Variants in TIAM1 observed in about 807,000 individuals in gnomAD.
TIAM1 encodes the protein rho guanine nucleotide exchange factor TIAM1.
TIAM1 carries 65 observed loss-of-function variants against 163.5 expected under a neutral mutation model. The observed-to-expected ratio is 0.40, with a 90% confidence interval of 0.33 to 0.49. The LOEUF (loss-of-function observed/expected upper bound fraction) is 0.49. TIAM1 is among the 20% of genes least tolerant of loss of function. The pLI is 0.77. For missense variants in TIAM1, 1,789 were observed against 2,044.7 expected, an observed-to-expected ratio of 0.87 and a Z score of 2.41; for synonymous variants, 833 against 810.1, an observed-to-expected ratio of 1.03 and a Z score of -0.48.
intron 2 of TIAM1, among the ~76,000 whole-genome samples, chr21:31,408,794 T>A (rs772365332): frequency 6.6e-6 from 1 of 152,214 alleles, no homozygotes; most frequent in Non-Finnish European, 1.5e-5. Flanking sequence ...TCTCTAAGTA[T>A]GGTCCCCACA....
chr21:31,221,467 C>A (rs1016843744), intron 8 of TIAM1, among the ~76,000 whole-genome samples: 3 of 152,186 alleles, frequency 2.0e-5, no homozygotes, highest in Non-Finnish European at 2.9e-5. Flanking sequence ...ATTTTAATAG[C>A]CTGCCCCCCT....
intron 2 of TIAM1, among the ~76,000 whole-genome samples, chr21:31,290,045 G>A (rs1366857396): frequency 6.6e-6 from 1 of 152,164 alleles, no homozygotes; most frequent in Non-Finnish European, 1.5e-5. Context: ...ACCCCGAAGA[G>A]TATGCCTACC....
chr21:31,314,897 A>G (rs2075053139), intron 2 of TIAM1, among the ~76,000 whole-genome samples: 1 of 152,192 alleles, frequency 6.6e-6, no homozygotes, highest in Non-Finnish European at 1.5e-5. Flanking sequence ...AATTGAGTGT[A>G]AAAATTATGT....
chr21:31,174,420 G>A (rs531526733), intron 15 of TIAM1, among the ~76,000 whole-genome samples: 16 of 152,298 alleles, frequency 1.1e-4, no homozygotes, highest in Non-Finnish European at 1.6e-4. Flanking sequence ...CTGGACTGCA[G>A]AGCACAAGCT....
intron 4 of TIAM1, among the ~76,000 whole-genome samples, chr21:31,254,011 T>G (rs145032905): frequency 1.2e-3 from 190 of 152,354 alleles, no homozygotes; most frequent in African/African-American, 4.4e-3. Context: ...AACTTTTGGA[T>G]TCATTTTCAT....
At chr21:31,432,720 GC>G (rs1385024100) in intron 2 of TIAM1, among the ~76,000 whole-genome samples, 1 of 152,192 alleles carries the variant, frequency 6.6e-6, no homozygotes, top group East Asian at 1.9e-4. Context: ...TAAATGACAT[GC>G]CCCTGCAGTG....
At chr21:31,496,631 T>C (rs2046660565) in intron 1 of TIAM1, among the ~76,000 whole-genome samples, 1 of 152,086 alleles carries the variant, frequency 6.6e-6, no homozygotes, top group Non-Finnish European at 1.5e-5. Context: ...TTTTTATACA[T>C]TTAGTGTAGC....
At chr21:31,438,561 A>C (rs971242906) in intron 2 of TIAM1, among the ~76,000 whole-genome samples, 1 of 152,092 alleles carries the variant, frequency 6.6e-6, no homozygotes, top group African/African-American at 2.4e-5. Context: ...GAGAGAATGA[A>C]AAGATCTGTG....
At position 31,141,438 on chromosome 21, in the gene TIAM1, G is replaced by A. The variant is rs775700172; in HGVS notation, c.3542C>T (p.Thr1181Met). 18 of 1,614,226 alleles carry A rather than the reference G, an allele frequency of 1.1e-5. No homozygotes were observed. Among genetic ancestry groups the A allele is most frequent in the Non-Finnish European group, 1.5e-5 (18 of 1,180,050 alleles). The change falls in exon 21 of 28, where the codon ACG becomes ATG. Residue 1181 changes from threonine (T) to methionine (M), a missense_variant. By Grantham distance (81) the Thr-to-Met change is moderately conservative. Transcript: ENST00000541036. This position sits in a 1 kb window ranked among gnomAD's most constrained non-coding sequence, Gnocchi z 4.7. The stretch of plus-strand genomic sequence containing the variant: ...GGGCTTGATGAGGTACGACTCCAGC[G>A]TGGATGAGTGCTGCTGCTTCGGGTT... ...AQNPKQQHSS[T>M]LESYLIKPIQ...
chr21:31,326,246 C>A (rs1244405556), intron 2 of TIAM1, among the ~76,000 whole-genome samples: 1 of 152,182 alleles, frequency 6.6e-6, no homozygotes, highest in African/African-American at 2.4e-5. Flanking sequence ...TGGAGTTGAG[C>A]AGCTGCCACT....
At chr21:31,487,667 C>T (rs1311881314) in intron 1 of TIAM1, among the ~76,000 whole-genome samples, 2 of 151,532 alleles carry the variant, frequency 1.3e-5, no homozygotes, top group Non-Finnish European at 2.9e-5. Flanking sequence ...ACGCCATTCT[C>T]CTGCCTCAGC....
chr21:31,345,368 A>G (rs1184110294), upstream of TIAM1, among the ~76,000 whole-genome samples: 1 of 152,064 alleles, frequency 6.6e-6, no homozygotes, highest in Non-Finnish European at 1.5e-5. Flanking sequence ...CCAGGGATGC[A>G]GCCTGGAAAC....
chr21:31,413,525 C>T (rs1281988455), intron 2 of TIAM1, among the ~76,000 whole-genome samples: 2 of 152,018 alleles, frequency 1.3e-5, no homozygotes, highest in Non-Finnish European at 2.9e-5. Context: ...CCGCCCCGGC[C>T]TCCCAAAGTG....
chr21:31,515,242 T>A (rs181471080), intron 1 of TIAM1, among the ~76,000 whole-genome samples: 18 of 152,194 alleles, frequency 1.2e-4, no homozygotes, highest in Middle Eastern at 3.4e-3. Context: ...TTCTTTTGTC[T>A]CTCTAGGAAA....
At chr21:31,173,303 T>C (rs2084602095) in intron 15 of TIAM1, among the ~76,000 whole-genome samples, 1 of 151,432 alleles carries the variant, frequency 6.6e-6, no homozygotes, top group Non-Finnish European at 1.5e-5. Context: ...AAATCCCTGA[T>C]GGAAAAAAAA....
chr21:31,169,463 G>A (rs781738512), intron 15 of TIAM1, among the ~76,000 whole-genome samples: 7 of 152,122 alleles, frequency 4.6e-5, no homozygotes, highest in African/African-American at 1.7e-4. Context: ...ACATCTATCC[G>A]AAGACACTGA....
chr21:31,334,346 G>A (rs891253411), intron 2 of TIAM1, among the ~76,000 whole-genome samples: 1 of 150,784 alleles, frequency 6.6e-6, no homozygotes, highest in Non-Finnish European at 1.5e-5. Context: ...GTGCAATGGC[G>A]TGGTTCTGAC....
At chr21:31,306,873 A>C (rs1569195873) in intron 2 of TIAM1, among the ~76,000 whole-genome samples, 1 of 152,222 alleles carries the variant, frequency 6.6e-6, no homozygotes, top group Non-Finnish European at 1.5e-5. Flanking sequence ...GGAATGGGTC[A>C]GCTCATGCTG....
intron 2 of TIAM1, among the ~76,000 whole-genome samples, chr21:31,327,924 A>G (rs1022299570): frequency 3.3e-5 from 5 of 151,950 alleles, no homozygotes; most frequent in African/African-American, 9.7e-5. Context: ...CACAACCCTC[A>G]AAGGCTTCCC....
Sources: allele counts gnomAD v4.1 joint callset (sites outside exome capture counted in the v4.1 genomes callset), GRCh38; gene constraint gnomAD v4.1.1; non-coding constraint Gnocchi (gnomAD v3.1); transcripts MANE v1.5; gene names NCBI Gene and HGNC (gene_info 2026-07-23, HGNC 2026-07-21).